ATF2: variants seen among roughly 807,000 people sequenced by gnomAD.
ATF2 encodes cyclic AMP-dependent transcription factor ATF-2.
A neutral mutation model predicts 60.6 loss-of-function variants in ATF2; 24 were observed. That is an observed-to-expected ratio of 0.40 (90% CI 0.29 to 0.56). The LOEUF (loss-of-function observed/expected upper bound fraction) is 0.56. Ranked by LOEUF, ATF2 falls within the 20% of genes least tolerant of loss-of-function variation. ATF2 has a pLI of 0.54. For synonymous variants in ATF2, 206 were observed against 215.4 expected, an observed-to-expected ratio of 0.96 and a Z score of 0.38; for missense variants, 433 against 607.7, an observed-to-expected ratio of 0.71 and a Z score of 3.02.
chr2:175,113,349 G>A (rs986233459), intron 9 of ATF2, among the ~76,000 whole-genome samples: 42 of 151,632 alleles, frequency 2.8e-4, no homozygotes, highest in Admixed American at 4.6e-4. Context: ...AAACGCCTGG[G>A]CTCACACAAT....
chr2:175,109,168 TA>T (rs66812318), intron 10 of ATF2, among the ~76,000 whole-genome samples: 3,877 of 82,504 alleles, frequency 0.047, 40 homozygotes, highest in Admixed American at 0.11. Context: ...GAATGATCAA[TA>T]AAAAAAAAAA....
chr2:175,121,911 G>GA (rs1326995517), intron 4 of ATF2, among the ~76,000 whole-genome samples: 1 of 151,782 alleles, frequency 6.6e-6, no homozygotes, highest in Non-Finnish European at 1.5e-5. Flanking sequence ...GACTTTTCAA[G>GA]AAAGTACTGT....
chr2:175,129,543 T>C (rs1434583309), intron 4 of ATF2, among the ~76,000 whole-genome samples: 1 of 152,076 alleles, frequency 6.6e-6, no homozygotes, highest in East Asian at 1.9e-4. Flanking sequence ...TTTAAGTACT[T>C]TGTAACTTTG....
chr2:175,111,853 G>A (rs199753641), intron 9 of ATF2, among the ~76,000 whole-genome samples, 199 bp from the exon 10 acceptor site: 3 of 93,412 alleles, frequency 3.2e-5, no homozygotes, highest in Non-Finnish European at 6.2e-5. Flanking sequence ...TTTCTGAGAC[G>A]TGTGCTTTCC....
At chr2:175,086,861 T>G (rs1256691952) in intron 12 of ATF2, among the ~76,000 whole-genome samples, 1 of 152,212 alleles carries the variant, frequency 6.6e-6, no homozygotes, top group Non-Finnish European at 1.5e-5. Flanking sequence ...ATTTTAATTC[T>G]GAAATCTTTC....
chr2:175,161,695 A>T (rs1221192277), intron 1 of ATF2, among the ~76,000 whole-genome samples: 2 of 152,200 alleles, frequency 1.3e-5, no homozygotes, highest in African/African-American at 4.8e-5. Flanking sequence ...TGTCATTATA[A>T]ATCTTAATAA....
chr2:175,099,102 C>CT (rs35356799), intron 10 of ATF2, among the ~76,000 whole-genome samples: 12,622 of 113,554 alleles, frequency 0.11, 828 homozygotes, highest in Middle Eastern at 0.21. Flanking sequence ...TATTAAATTT[C>CT]TTTTTTTTTT....
intron 4 of ATF2, among the ~76,000 whole-genome samples, chr2:175,124,045 T>C (rs1055711422): frequency 3.5e-4 from 53 of 150,200 alleles, no homozygotes; most frequent in Middle Eastern, 3.4e-3. Flanking sequence ...CAAGCTAAAT[T>C]TTTTTACAGA....
rs1213945793 is a variant in ATF2 at position 175,074,293 on chromosome 2, A to C, written c.*316T>G. On this transcript the variant is annotated 3_prime_UTR_variant, in exon 14 of 14. Transcript: ENST00000264110. ...GGAAGAAAGATTCAGTAACACCCCC[A>C]TTTATTAAAACACCAGCAAATTAAA... The C allele has an allele frequency of 1.5e-5, 3 of 194,058 alleles. No homozygotes were observed. The East Asian group carries it at 4.3e-4, about 28-fold the overall frequency. The allele number at this position is 194,058 out of a possible 1,614,324, so 12.0% of individuals were successfully genotyped here. A position where few individuals can be genotyped will look rare whatever the true frequency, so the allele number is the denominator to read the frequency against.
At chr2:175,091,661 G>A (rs963912752) in intron 12 of ATF2, among the ~76,000 whole-genome samples, 4 of 152,044 alleles carry the variant, frequency 2.6e-5, no homozygotes, top group African/African-American at 7.2e-5. Context: ...TCAGGAGTTC[G>A]AGACCAGCCT....
chr2:175,081,258 T>C (rs1693736996), intron 12 of ATF2, among the ~76,000 whole-genome samples: 1 of 152,138 alleles, frequency 6.6e-6, no homozygotes, highest in African/African-American at 2.4e-5. Flanking sequence ...GAATCATGGA[T>C]ACCTAAAATT....
chr2:175,140,310 A>G (rs1169695471), intron 2 of ATF2, among the ~76,000 whole-genome samples: 1 of 152,246 alleles, frequency 6.6e-6, no homozygotes, highest in Non-Finnish European at 1.5e-5. Flanking sequence ...GCGAATAAAG[A>G]GATTTTCTTG....
At chr2:175,163,347 A>G (rs965682954) in intron 1 of ATF2, among the ~76,000 whole-genome samples, 2 of 152,126 alleles carry the variant, frequency 1.3e-5, no homozygotes, top group Admixed American at 1.3e-4. Context: ...TTATAGATAA[A>G]AATACTATAT....
At chr2:175,163,181 AAAT>A in intron 1 of ATF2, among the ~76,000 whole-genome samples, 1 of 2,734 alleles carries the variant, frequency 3.7e-4, no homozygotes, top group African/African-American at 8.6e-4. Context: ...ATAAATAAAT[AAAT>A]GCAAGCAAAC....
chr2:175,155,997 A>C (rs1427853293), intron 1 of ATF2, among the ~76,000 whole-genome samples: 1 of 152,182 alleles, frequency 6.6e-6, no homozygotes, highest in Non-Finnish European at 1.5e-5. Flanking sequence ...GGCCTTCCAA[A>C]GATGTCCATA....
chr2:175,087,611 C>T (rs1487640968), intron 12 of ATF2, among the ~76,000 whole-genome samples: 3 of 151,962 alleles, frequency 2.0e-5, no homozygotes, highest in African/African-American at 7.3e-5. Flanking sequence ...CAGCCATTAC[C>T]CCCAAAAATA....
rs768085622 is a variant in ATF2 at position 175,093,254 on chromosome 2, T to C, written c.992A>G (p.His331Arg). ...STTETPASPA[H>R]TTPQTQSTSG... ...TGTACTTTGGGTCTGTGGAGTTGTG[T>C]GAGCTGGAGAAGCCTATTATAAACA... is the stretch of plus-strand genomic sequence containing the variant. Residue 331 changes from histidine to arginine, a missense_variant, in exon 12 of 14, where the codon CAC becomes CGC. His to Arg is a conservative substitution (Grantham distance 29). Coordinates refer to ENST00000264110, the MANE Select transcript of ATF2 (RefSeq NM_001880.4). The C allele has an allele frequency of 3.1e-6, 5 of 1,614,016 alleles. No homozygotes were observed. In the South Asian group the frequency reaches 3.3e-5, roughly 11 times the overall value.
intron 11 of ATF2, among the ~76,000 whole-genome samples, chr2:175,094,891 C>G (rs2699796): frequency 0.021 from 3,131 of 152,172 alleles, 77 homozygotes; most frequent in African/African-American, 0.057. Flanking sequence ...TGCAGTGAGC[C>G]ATGATCGCAC....
At chr2:175,114,494 A>C (rs979913819) in intron 8 of ATF2, 196 bp downstream of exon 8, 1 of 1,291,834 alleles carries the variant, frequency 7.7e-7, no homozygotes, top group Non-Finnish European at 9.8e-7. Flanking sequence ...ATTTGTTTTT[A>C]GTTGTATTTA....
Sources: gnomAD v4.1 joint callset for allele counts (sites outside exome capture counted in the v4.1 genomes callset) on GRCh38, gnomAD v4.1.1 for gene constraint, MANE v1.5 for transcripts, NCBI Gene and HGNC (gene_info 2026-07-23, HGNC 2026-07-21) for gene names.